The following DST variants were observed in gnomAD, a reference collection of about 807,000 sequenced individuals.
DST encodes the protein bullous pemphigoid antigen.
Under a neutral mutation model 875.2 loss-of-function variants are expected in DST, and 253 were observed. That is an observed-to-expected ratio of 0.29 (90% CI 0.26 to 0.32). The LOEUF is 0.32. Ranked by LOEUF, DST falls within the 10% of genes least tolerant of loss-of-function variation. DST has a pLI of 1.00. For missense variants in DST, 8,287 were observed against 9,111.6 expected (o/e 0.91, Z 3.68); for synonymous variants, 3,124 against 3,197.1 (o/e 0.98, Z 0.77).
At chr6:56,842,817 AC>A (rs1562130645) in intron 4 of DST, among the ~76,000 whole-genome samples, 1 of 151,908 alleles carries the variant, frequency 6.6e-6, no homozygotes, top group Non-Finnish European at 1.5e-5. Flanking sequence ...CTTGGAAACA[AC>A]CCCCTTCCCC....
At chr6:56,724,751 T>G (rs1461893800) in intron 5 of DST, among the ~76,000 whole-genome samples, 1 of 152,220 alleles carries the variant, frequency 6.6e-6, no homozygotes, top group East Asian at 1.9e-4. Flanking sequence ...GAGCTCACTG[T>G]TTAACTGGCA....
chr6:56,640,073 T>C lies in DST; in HGVS notation c.2491-16A>G. 1 of 1,613,982 alleles carries C rather than the reference T, an allele frequency of 6.2e-7. No individual in the cohort carries two copies. Among genetic ancestry groups the C allele is most frequent in the Non-Finnish European group, 8.5e-7 (1 of 1,179,922 alleles). On this transcript the variant is annotated splice_polypyrimidine_tract_variant and intron_variant, in intron 18 of 103. Coordinates refer to ENST00000680361, the MANE Select transcript of DST (RefSeq NM_001374736.1). Reference sequence around the variant, plus strand: ...CCAGTTGTACCTTCAGACAGTAAAATACTAAGTTTAAAAAAGAAATTGATA... The same window carrying C: ...CCAGTTGTACCTTCAGACAGTAAAACACTAAGTTTAAAAAAGAAATTGATA...
At chr6:56,839,146 T>C (rs2099797001) in intron 4 of DST, among the ~76,000 whole-genome samples, 1 of 152,144 alleles carries the variant, frequency 6.6e-6, no homozygotes, top group Admixed American at 6.5e-5. Flanking sequence ...AATGGAGATA[T>C]AAGGGCTGGA....
chr6:56,633,881 CCAA>C (rs1398641746), intron 27 of DST, among the ~76,000 whole-genome samples: 1 of 152,162 alleles, frequency 6.6e-6, no homozygotes, highest in Non-Finnish European at 1.5e-5. Flanking sequence ...CATCGTATAT[CCAA>C]CAACTACATT....
chr6:56,820,085 T>C (rs534510074), intron 4 of DST, among the ~76,000 whole-genome samples: 32 of 152,340 alleles, frequency 2.1e-4, no homozygotes, highest in African/African-American at 6.0e-4. Flanking sequence ...GTTAAGAGCA[T>C]AGGCTCTAGA....
rs753541377 is a variant in DST at position 56,572,861 on chromosome 6, T to C, written c.13440A>G (p.Glu4480=). Residue 4480 remains glutamate, a synonymous_variant, in exon 52 of 104, where the codon GAA becomes GAG. Transcript: ENST00000680361. ...AKMEELKTKV[E]LFENLSEKLQ... ...GCTTTTCTGAGAGGTTCTCAAACAG[T>C]TCTACTTTGGTTTTTAGCTCCTCCA... The C allele has an allele frequency of 6.2e-7, 1 of 1,613,376 alleles. No individual in the cohort carries two copies. Among genetic ancestry groups the C allele is most frequent in the Non-Finnish European group, 8.5e-7 (1 of 1,179,666 alleles).
chr6:56,591,285 G>A (rs1394767577), intron 49 of DST, among the ~76,000 whole-genome samples: 1 of 152,230 alleles, frequency 6.6e-6, no homozygotes, highest in African/African-American at 2.4e-5. Context: ...ATTTCTGAAA[G>A]AGCAGGTGGA....
At chr6:56,693,019 GT>G (rs1242312527) in intron 9 of DST, 2 of 1,289,732 alleles carry the variant, frequency 1.6e-6, no homozygotes, top group East Asian at 1.1e-4. Context: ...GTCACCTCCA[GT>G]TTTTTTGATC....
At chr6:56,692,456 T>A (rs1289883292) in intron 9 of DST, 16 of 1,289,612 alleles carry the variant, frequency 1.2e-5, no homozygotes, top group South Asian at 8.6e-5. Context: ...CTCTTTTTTT[T>A]AAACTGAAAA....
At position 56,459,188 on chromosome 6, in the gene DST, A is replaced by G; in HGVS notation, c.23274T>C (p.Ser7758=). ...CTGAAATGTCAAAGTCTGATGCATC[A>G]CTGCCTCGGCGGCTGCTGGCCCTGC... ...AGSRASSRRG[S]DASDFDISEI... The change falls in exon 104 of 104, where the codon AGT becomes AGC. Residue 7758 remains serine, a synonymous_variant. Coordinates refer to ENST00000680361, the MANE Select transcript of DST (RefSeq NM_001374736.1). 1 of 1,613,942 alleles carries G rather than the reference A, an allele frequency of 6.2e-7. No homozygotes were observed. Among genetic ancestry groups the G allele is most frequent in the Admixed American group, 1.7e-5 (1 of 60,016 alleles).
At chr6:56,728,503 G>T (rs183574554) in intron 5 of DST, among the ~76,000 whole-genome samples, 1 of 151,976 alleles carries the variant, frequency 6.6e-6, no homozygotes, top group Admixed American at 6.5e-5. Flanking sequence ...TTGAAACCTC[G>T]TCTCTATTAA....
intron 4 of DST, chr6:56,742,445 C>T (rs540087563): frequency 1.0e-6 from 1 of 960,904 alleles, no homozygotes; most frequent in African/African-American, 1.7e-5. Flanking sequence ...ACTGACTAGA[C>T]ACTCCTACTT....
intron 2 of DST, among the ~76,000 whole-genome samples, chr6:56,908,340 A>C (rs1797366555): frequency 6.6e-6 from 1 of 152,192 alleles, no homozygotes; most frequent in African/African-American, 2.4e-5. Flanking sequence ...GAGGGCAGTC[A>C]ACGAACTTGG....
At chr6:56,475,266 G>A (rs1582445950) in intron 92 of DST, among the ~76,000 whole-genome samples, 3 of 152,130 alleles carry the variant, frequency 2.0e-5, no homozygotes, top group South Asian at 4.2e-4. Context: ...CAGACAAAAG[G>A]GAAAAGTGAA....
chr6:56,703,148 T>C (rs971084836), intron 7 of DST, among the ~76,000 whole-genome samples: 3 of 152,336 alleles, frequency 2.0e-5, no homozygotes, highest in African/African-American at 7.2e-5. Flanking sequence ...ACATGTGATA[T>C]ATTAGAGAGG....
chr6:56,795,205 G>T (rs1001787236), intron 4 of DST, among the ~76,000 whole-genome samples: 6 of 151,578 alleles, frequency 4.0e-5, no homozygotes, highest in Admixed American at 2.6e-4. Flanking sequence ...CATAAAAGCA[G>T]AATAATTAGA....
chr6:56,689,169 T>G (rs944339398), intron 9 of DST, among the ~76,000 whole-genome samples: 1 of 152,114 alleles, frequency 6.6e-6, no homozygotes, highest in Non-Finnish European at 1.5e-5. Context: ...TAAATGTAGT[T>G]GGGGAGTGCT....
chr6:56,873,659 T>C (rs1378862217), intron 3 of DST, among the ~76,000 whole-genome samples: 6 of 152,104 alleles, frequency 3.9e-5, no homozygotes, highest in African/African-American at 7.2e-5. Context: ...GGAGTTAAAA[T>C]AGTGGATCTC....
At chr6:56,797,461 G>A (rs1463581546) in intron 4 of DST, among the ~76,000 whole-genome samples, 4 of 152,116 alleles carry the variant, frequency 2.6e-5, no homozygotes, top group African/African-American at 9.7e-5. Flanking sequence ...AAGCCAAAAC[G>A]GGCCAAAAGC....
Sources: allele counts gnomAD v4.1 joint callset (sites outside exome capture counted in the v4.1 genomes callset), GRCh38; gene constraint gnomAD v4.1.1; transcripts MANE v1.5; gene names NCBI Gene and HGNC (gene_info 2026-07-23, HGNC 2026-07-21).